Variants in CCZ1B observed in about 807,000 individuals in gnomAD.
CCZ1B encodes CCZ1B vacuolar protein trafficking and biogenesis associated.
CCZ1B carries 25 observed loss-of-function variants against 58.8 expected under a neutral mutation model. The ratio of observed to expected loss-of-function variants is 0.43; its 90% confidence interval spans 0.31 to 0.59. The LOEUF (loss-of-function observed/expected upper bound fraction) is 0.59, where lower values mean the gene tolerates loss of function less well. Ranked by LOEUF, CCZ1B falls within the 20% of genes least tolerant of loss-of-function variation. The pLI is 0.12. For missense variants in CCZ1B, 180 were observed against 501.5 expected, an observed-to-expected ratio of 0.36 and a Z score of 6.12; for synonymous variants, 66 against 173.2, an observed-to-expected ratio of 0.38 and a Z score of 4.86.
At chr7:6,811,889 T>A (rs538570907) in intron 10 of CCZ1B, 63 bp downstream of exon 10, 1 of 1,575,640 alleles carries the variant, frequency 6.3e-7, no homozygotes, top group Admixed American at 1.7e-5. Context: ...TGCACTCGTG[T>A]ACACATGCAA....
chr7:6,814,801 A>C lies in CCZ1B; in HGVS notation c.743T>G (p.Leu248Arg), dbSNP rs774134035. Residue 248 changes from leucine (L) to arginine (R), a missense_variant, in exon 8 of 15, where the codon CTT becomes CGT. Physicochemically the swap from Leu to Arg is moderately radical, Grantham distance 102 (BLOSUM62 -2). Coordinates refer to ENST00000316731, the MANE Select transcript of CCZ1B (RefSeq NM_198097.5). ...GTGCCTTGGGAAAAGGGAGGTGGTA[A>C]GGTATTTGTATAAAATTCTCATGTC... ...QDDMRILYKY[L>R]TTSLFPRHIE... is the part of the protein sequence containing the mutation. 4.4e-6 allele frequency: 7 copies of C among 1,607,426 alleles called. No individual in the cohort carries two copies. The South Asian group carries it at 7.7e-5, about 18-fold the overall frequency.
In CCZ1B at chr7:6,815,748, T is replaced by C. The variant is rs1782990171; in HGVS notation, c.699-903A>G. Among the ~76,000 whole-genome samples, 2 of 149,282 alleles carry C rather than the reference T, an allele frequency of 1.3e-5. 1 individual carries two copies. The highest frequency in any genetic ancestry group is 5.1e-5 in the African/African-American group (2 of 39,450). On this transcript the variant is annotated intron_variant, in intron 7 of 14. Transcript: ENST00000316731. ...TACTCCTACAGTCCTGTATTTTACA[T>C]GCCATTTGAGATGAAAAAAAAAGTC...
chr7:6,814,663 T>C (rs1175994137), intron 8 of CCZ1B, 101 bp downstream of exon 8: 5 of 1,050,510 alleles, frequency 4.8e-6, no homozygotes, highest in Non-Finnish European at 7.1e-6. Flanking sequence ...AAAACATACA[T>C]CAGAAACGAT....
At chr7:6,815,865 T>C (rs1782991790) in intron 7 of CCZ1B, among the ~76,000 whole-genome samples, 1 of 147,682 alleles carries the variant, frequency 6.8e-6, no homozygotes, top group East Asian at 1.9e-4. Context: ...CAGATGTCTC[T>C]TAGCTTCCTG....
At chr7:6,809,940 G>A (rs1467047071) in intron 10 of CCZ1B, among the ~76,000 whole-genome samples, 2 of 146,890 alleles carry the variant, frequency 1.4e-5, no homozygotes, top group African/African-American at 5.1e-5. Flanking sequence ...TTCTGCTGAC[G>A]GATGACCCTG....
chr7:6,807,676 CA>C (rs1305990042), intron 10 of CCZ1B, among the ~76,000 whole-genome samples: 1 of 138,688 alleles, frequency 7.2e-6, no homozygotes, highest in Non-Finnish European at 1.6e-5. Flanking sequence ...CACGTGCCGA[CA>C]AATCAAATAA....
chr7:6,821,521 G>C (rs1783110175), intron 6 of CCZ1B, among the ~76,000 whole-genome samples: 1 of 152,310 alleles, frequency 6.6e-6, no homozygotes, highest in Non-Finnish European at 1.5e-5. Context: ...TATGAAAGCT[G>C]TTTTAGAAAG....
intron 12 of CCZ1B, among the ~76,000 whole-genome samples, chr7:6,803,645 C>T (rs960180030): frequency 2.1e-5 from 3 of 140,752 alleles, no homozygotes; most frequent in Non-Finnish European, 4.6e-5. Flanking sequence ...CTCTTAGAGG[C>T]CCACGGTTAT....
At chr7:6,817,750 C>G (rs1783029415) in intron 7 of CCZ1B, among the ~76,000 whole-genome samples, 1 of 149,856 alleles carries the variant, frequency 6.7e-6, no homozygotes, top group Non-Finnish European at 1.5e-5. Context: ...CACAGTGGCT[C>G]ACACCTGTAA....
intron 1 of CCZ1B, among the ~76,000 whole-genome samples, chr7:6,824,983 T>G (rs187927347): frequency 0.011 from 1,673 of 149,448 alleles, 49 homozygotes; most frequent in Middle Eastern, 0.017. Context: ...TTATTTAAAA[T>G]AAGAAGAAGA....
At chr7:6,804,002 T>C (rs1364545481) in intron 12 of CCZ1B, among the ~76,000 whole-genome samples, 1 of 148,264 alleles carries the variant, frequency 6.7e-6, no homozygotes, top group African/African-American at 2.5e-5. Context: ...CATGAGCGTA[T>C]GCAGAAATTC....
Position 6,817,736 on chromosome 7 carries a change from C to G in CCZ1B, c.698+2030G>C, listed in dbSNP as rs10240598. Among the ~76,000 whole-genome samples the G allele has an allele frequency of 5.8e-3, 868 of 149,668 alleles. 82 individuals are homozygous for G. The highest frequency in any genetic ancestry group is 0.02 in the African/African-American group (813 of 39,776). ...GTCAAATTAGAAAGTAGGTGGAGGCCGGGCACAGTGGCTCACACCTGTAAT... is the reference window on the plus strand; with the variant it reads ...GTCAAATTAGAAAGTAGGTGGAGGCGGGGCACAGTGGCTCACACCTGTAAT... On this transcript the variant is annotated intron_variant, in intron 7 of 14. Coordinates refer to ENST00000316731, the MANE Select transcript of CCZ1B (RefSeq NM_198097.5).
intron 7 of CCZ1B, among the ~76,000 whole-genome samples, chr7:6,816,720 A>G (rs1309429936): frequency 6.6e-6 from 1 of 150,914 alleles, no homozygotes; most frequent in African/African-American, 2.5e-5. Flanking sequence ...TATTTAATAT[A>G]ACAGCTTTGG....
At chr7:6,811,794 T>TAC (rs1033796529) in intron 10 of CCZ1B, 158 bp downstream of exon 10, 8 of 690,000 alleles carry the variant, frequency 1.2e-5, no homozygotes, top group Non-Finnish European at 1.7e-5. Flanking sequence ...ATAAACTTAT[T>TAC]ACGCTGGAAG....
intron 6 of CCZ1B, among the ~76,000 whole-genome samples, chr7:6,820,808 A>G (rs1398597610): frequency 2.7e-5 from 4 of 147,240 alleles, no homozygotes; most frequent in African/African-American, 1.0e-4. Flanking sequence ...CCAACTATTC[A>G]GGAGGCTGAG....
chr7:6,805,655 T>C (rs1782824609), intron 11 of CCZ1B: 1 of 299,578 alleles, frequency 3.3e-6, no homozygotes, highest in Non-Finnish European at 6.0e-6. Context: ...TCCCAGCACT[T>C]TGGGAGGCTA....
chr7:6,810,107 G>A (rs1413136736), intron 10 of CCZ1B, among the ~76,000 whole-genome samples: 2 of 150,466 alleles, frequency 1.3e-5, no homozygotes, highest in Non-Finnish European at 2.9e-5. Context: ...CGCCTCGCGG[G>A]TACAAGTGAT....
At position 6,820,388 on chromosome 7, in the gene CCZ1B, C is replaced by T. The variant is rs1027065499; in HGVS notation, c.523-447G>A. ...AGAGACAGGGTTTCACCATGTTAGC[C>T]AGGATGGTCTCAATCTCCTGACTCG... is the stretch of plus-strand genomic sequence containing the variant. On this transcript the variant is annotated intron_variant, in intron 6 of 14. Transcript: ENST00000316731. Among the ~76,000 whole-genome samples, 16 of 149,114 alleles carry T rather than the reference C, an allele frequency of 1.1e-4. 1 individual carries two copies. Among genetic ancestry groups the T allele is most frequent in the African/African-American group, 4.1e-4 (16 of 39,498 alleles).
chr7:6,818,543 G>A lies in CCZ1B; in HGVS notation c.698+1223C>T, dbSNP rs898326051. On this transcript the variant is annotated intron_variant, in intron 7 of 14. Coordinates refer to ENST00000316731, the MANE Select transcript of CCZ1B (RefSeq NM_198097.5). ...CAGCCTGGCAACAGAGTGAGACTCCGTTAGAAAGAAAGAAAGAAAGACAGA... is the reference window on the plus strand; with the variant it reads ...CAGCCTGGCAACAGAGTGAGACTCCATTAGAAAGAAAGAAAGAAAGACAGA... Among the ~76,000 whole-genome samples the A allele has an allele frequency of 4.9e-5, 7 of 144,190 alleles. 1 individual carries two copies. The South Asian group carries it at 6.8e-4, about 14-fold the overall frequency. The allele number at this position is 144,190 out of a possible 152,430, so 94.6% of individuals were successfully genotyped here. A position where few individuals can be genotyped will look rare whatever the true frequency, so the allele number is the denominator to read the frequency against.
Sources: allele counts gnomAD v4.1 joint callset (sites outside exome capture counted in the v4.1 genomes callset), GRCh38; gene constraint gnomAD v4.1.1; transcripts MANE v1.5; gene names NCBI Gene and HGNC (gene_info 2026-07-23, HGNC 2026-07-21).